PDE1A: variants seen among roughly 807,000 people sequenced by gnomAD.
The protein encoded by PDE1A is phosphodiesterase 1A, also known as dual specificity calcium/calmodulin-dependent 3',5'-cyclic nucleotide phosphodiesterase 1A.
In PDE1A, 35 loss-of-function variants were observed where a neutral mutation model predicts 61.7. The observed-to-expected ratio is 0.57, with a 90% CI of 0.43 to 0.75. The LOEUF (loss-of-function observed/expected upper bound fraction) is 0.75, where lower values mean the gene tolerates loss of function less well. PDE1A is among the 30% of genes least tolerant of loss of function. The pLI is 0.00. For missense variants in PDE1A, 597 were observed against 630.6 expected (o/e 0.95, Z 0.57); for synonymous variants, 232 against 213.2 (o/e 1.09, Z -0.77).
the PDE1A span, among the ~76,000 whole-genome samples, chr2:182,689,036 T>C: frequency 6.6e-6 from 1 of 152,082 alleles, no homozygotes; most frequent in Non-Finnish European, 1.5e-5. Flanking sequence ...AGCAAGTCCT[T>C]AGAGAACTAC....
intron 2 of PDE1A, among the ~76,000 whole-genome samples, chr2:182,436,917 C>A (rs1684464834): frequency 6.6e-6 from 1 of 151,928 alleles, no homozygotes; most frequent in Non-Finnish European, 1.5e-5. Flanking sequence ...GTTTTAATAA[C>A]AGCCTTTAAA....
chr2:182,329,947 T>C (rs1008187524), intron 1 of PDE1A, among the ~76,000 whole-genome samples: 5 of 152,226 alleles, frequency 3.3e-5, no homozygotes, highest in East Asian at 1.9e-4. Context: ...GTGTCTGATA[T>C]ATAATGACTA....
At chr2:182,451,742 A>G (rs1685537464) in intron 2 of PDE1A, among the ~76,000 whole-genome samples, 1 of 152,112 alleles carries the variant, frequency 6.6e-6, no homozygotes, top group African/African-American at 2.4e-5. Flanking sequence ...AGAGAAGCAA[A>G]CTGAGGATGC....
At chr2:182,252,471 C>T (rs1691469767) in intron 2 of PDE1A, among the ~76,000 whole-genome samples, 1 of 151,990 alleles carries the variant, frequency 6.6e-6, no homozygotes, top group Non-Finnish European at 1.5e-5. Flanking sequence ...GGAAGAGAGA[C>T]CCAGGAAAAG....
At chr2:182,625,043 C>T in the PDE1A span, among the ~76,000 whole-genome samples, 2 of 151,958 alleles carry the variant, frequency 1.3e-5, no homozygotes, top group African/African-American at 2.4e-5. Flanking sequence ...TAGATGAGAT[C>T]GTGAGAATGG....
At chr2:182,673,391 T>G in the PDE1A span, among the ~76,000 whole-genome samples, 32 of 152,320 alleles carry the variant, frequency 2.1e-4, no homozygotes, top group East Asian at 3.5e-3. Flanking sequence ...TTTCTGCACC[T>G]CTTACGAAGC....
chr2:182,644,291 G>GTGTGTGTGTGTC, the PDE1A span, among the ~76,000 whole-genome samples: 3 of 148,740 alleles, frequency 2.0e-5, no homozygotes, highest in East Asian at 2.0e-4. Context: ...GTGTGTGTGT[G>GTGTGTGTGTGTC]TGTGTGTGTC....
chr2:182,715,200 C>T, the PDE1A span, among the ~76,000 whole-genome samples: 2 of 152,106 alleles, frequency 1.3e-5, no homozygotes, highest in Non-Finnish European at 2.9e-5. Flanking sequence ...GATGTGAATC[C>T]TAGCTCTCAA....
chr2:182,628,718 T>A, the PDE1A span, among the ~76,000 whole-genome samples: 1 of 152,158 alleles, frequency 6.6e-6, no homozygotes, highest in Non-Finnish European at 1.5e-5. Flanking sequence ...TGTAATAAGA[T>A]CATGTTAATC....
At chr2:182,635,132 A>G in the PDE1A span, among the ~76,000 whole-genome samples, 10 of 152,126 alleles carry the variant, frequency 6.6e-5, no homozygotes, top group African/African-American at 2.4e-4. Context: ...TGGAAAAAAA[A>G]AAAAAGCTGA....
the PDE1A span, among the ~76,000 whole-genome samples, chr2:182,590,565 T>C: frequency 2.6e-5 from 4 of 152,146 alleles, no homozygotes; most frequent in Non-Finnish European, 5.9e-5. Flanking sequence ...AACTTAATTC[T>C]GCATGCAACT....
intron 1 of PDE1A, among the ~76,000 whole-genome samples, chr2:182,398,078 A>G (rs1476202121): frequency 6.6e-6 from 1 of 152,048 alleles, no homozygotes; most frequent in Non-Finnish European, 1.5e-5. Flanking sequence ...AATGAAAGAC[A>G]TCACTGGACA....
At chr2:182,233,886 T>C (rs1252285439) in intron 4 of PDE1A, among the ~76,000 whole-genome samples, 1 of 152,112 alleles carries the variant, frequency 6.6e-6, no homozygotes, top group Non-Finnish European at 1.5e-5. Flanking sequence ...CTAACATATG[T>C]AGCGCTGCAA....
the PDE1A span, among the ~76,000 whole-genome samples, chr2:182,689,716 T>C: frequency 6.6e-6 from 1 of 152,098 alleles, no homozygotes; most frequent in Non-Finnish European, 1.5e-5. Context: ...CAAAAAACCC[T>C]TCAAAAAATC....
At chr2:182,373,124 A>G (rs1329429002) in intron 1 of PDE1A, among the ~76,000 whole-genome samples, 2 of 152,244 alleles carry the variant, frequency 1.3e-5, no homozygotes, top group East Asian at 1.9e-4. Context: ...TGAAAAATAC[A>G]TCACAGGGGC....
chr2:182,345,114 G>C (rs1021129980), intron 1 of PDE1A, among the ~76,000 whole-genome samples: 4 of 151,926 alleles, frequency 2.6e-5, no homozygotes, highest in Non-Finnish European at 5.9e-5. Flanking sequence ...TATTTATTTA[G>C]GCTTTATTTA....
At chr2:182,257,754 G>A (rs1314620734) in intron 2 of PDE1A, among the ~76,000 whole-genome samples, 1 of 152,194 alleles carries the variant, frequency 6.6e-6, no homozygotes, top group Non-Finnish European at 1.5e-5. Context: ...AGGACAGCAA[G>A]ACATGTCAAA....
chr2:182,682,296 T>C, the PDE1A span, among the ~76,000 whole-genome samples: 1 of 152,292 alleles, frequency 6.6e-6, no homozygotes, highest in African/African-American at 2.4e-5. Flanking sequence ...CAGTTTCAAA[T>C]CTATCTTCCT....
At chr2:182,168,015 A>G in exon 14 of PDE1A, 1 of 1,225,630 alleles carries the variant, frequency 8.2e-7, no homozygotes, top group Non-Finnish European at 1.0e-6. Context: ...CTGAAAGCAC[A>G]AGGTGCTGAT....
Sources: allele counts gnomAD v4.1 joint callset (sites outside exome capture counted in the v4.1 genomes callset), GRCh38; gene constraint gnomAD v4.1.1; transcripts MANE v1.5; gene names NCBI Gene and HGNC (gene_info 2026-07-23, HGNC 2026-07-21).